Variants in MLKL observed in about 807,000 individuals in gnomAD.
MLKL encodes the protein mixed lineage kinase domain-like protein.
Under a neutral mutation model 56.5 loss-of-function variants are expected in MLKL, and 55 were observed. The observed-to-expected ratio is 0.97, with a 90% CI of 0.78 to 1.22. The LOEUF (loss-of-function observed/expected upper bound fraction) is 1.22. Among genes scored for constraint, MLKL ranks in the 50% most tolerant of loss-of-function variants. The pLI, the probability that MLKL is intolerant of heterozygous loss-of-function variation, is 0.00. For missense variants in MLKL, 694 were observed against 573.9 expected (o/e 1.21, Z -2.14); for synonymous variants, 251 against 208.3 (o/e 1.20, Z -1.76).
In MLKL at chr16:74,680,583, T is replaced by A. The variant is rs540226770; in HGVS notation, c.957-1603A>T. On this transcript the variant is annotated intron_variant, in intron 6 of 10. Transcript: ENST00000308807. ...GTGCAGTGGCACAATCTCAGCTCACTGCAACCTCTGCCTCCCAGGTTCAAG... is the reference window on the plus strand; with the variant it reads ...GTGCAGTGGCACAATCTCAGCTCACAGCAACCTCTGCCTCCCAGGTTCAAG... 1.7e-3 allele frequency among the ~76,000 whole-genome samples: 253 copies of A among 152,304 alleles called. 1 individual carries two copies. The highest frequency in any genetic ancestry group is 5.5e-3 in the African/African-American group (227 of 41,584).
In MLKL at chr16:74,691,110, G is replaced by T. The variant is rs180949240; in HGVS notation, c.722+167C>A. On this transcript the variant is annotated intron_variant, in intron 4 of 10. Transcript: ENST00000308807. ...GGAGAGAAGACCTAGAACTGAGGTG[G>T]AAAGATGTATTTAAGTCAAGACTCT... Among the ~76,000 whole-genome samples, 6 of 151,966 alleles carry T rather than the reference G, an allele frequency of 3.9e-5. No homozygotes were observed. The East Asian group carries it at 1.2e-3, about 29-fold the overall frequency.
chr16:74,695,709 G>A lies in MLKL; in HGVS notation c.49C>T (p.Arg17Trp). Residue 17 changes from arginine to tryptophan, a missense_variant, in exon 2 of 11, where the codon CGG (arginine) becomes TGG (tryptophan). Coordinates refer to ENST00000308807, the MANE Select transcript of MLKL (RefSeq NM_152649.4). Reference protein sequence around the residue: ...IITLGQVIHKRCEEMKYCKKQ... With the variant: ...IITLGQVIHKWCEEMKYCKKQ... ...TTGCAGTATTTCATCTCTTCACACC[G>A]TTTGTGGATGACCTGGCCAAGGGTG... The A allele has an allele frequency of 2.5e-6, 4 of 1,613,186 alleles. No homozygotes were observed. The highest frequency in any genetic ancestry group is 3.4e-6 in the Non-Finnish European group (4 of 1,179,708).
At chr16:74,686,838 C>T (rs1292976535) in intron 4 of MLKL, among the ~76,000 whole-genome samples, 2 of 152,090 alleles carry the variant, frequency 1.3e-5, no homozygotes, top group Non-Finnish European at 2.9e-5. Context: ...TAGCAATTAA[C>T]AATCAAAAGA....
chr16:74,682,784 T>G lies in MLKL; in HGVS notation c.823A>C (p.Thr275Pro). 3.7e-6 allele frequency: 6 copies of G among 1,613,598 alleles called. No individual in the cohort carries two copies. Among genetic ancestry groups the G allele is most frequent in the Non-Finnish European group, 4.2e-6 (5 of 1,179,910 alleles). Reference protein sequence around the residue: ...IFGICIDETVTPPQFSIVMEY... With the variant: ...IFGICIDETVPPPQFSIVMEY... ...ATGACAATGGAGAATTGAGGCGGAG[T>G]CACTGGTGGAAAGGAGCCAGACACT... Residue 275 changes from threonine (T) to proline (P), a missense_variant and splice_region_variant, in exon 6 of 11, where the codon ACT (threonine) becomes CCT (proline). By Grantham distance (38) the Thr-to-Pro change is conservative (BLOSUM62 -1). Transcript: ENST00000308807.
intron 1 of MLKL, among the ~76,000 whole-genome samples, chr16:74,697,856 A>G (rs1348744217): frequency 2.0e-5 from 3 of 152,124 alleles, no homozygotes; most frequent in Admixed American, 1.3e-4. Context: ...GCTGCGGTTC[A>G]GGGAGGTTGC....
chr16:74,682,779 C>A lies in MLKL; in HGVS notation c.828G>T (p.Pro276=). ...FGICIDETVT[P]PQFSIVMEYC... ...ACTCCATGACAATGGAGAATTGAGG[C>A]GGAGTCACTGGTGGAAAGGAGCCAG... Residue 276 remains proline, a synonymous_variant, in exon 6 of 11, where the codon CCG becomes CCT. Transcript: ENST00000308807. The A allele has an allele frequency of 6.2e-7, 1 of 1,613,954 alleles. No homozygotes were observed.
chr16:74,691,623 C>T (rs777267731), intron 3 of MLKL, among the ~76,000 whole-genome samples, 160 bp from the exon 4 acceptor site: 6 of 152,162 alleles, frequency 3.9e-5, no homozygotes, highest in Non-Finnish European at 8.8e-5. Flanking sequence ...CCCAAGGGAG[C>T]GGCTCCCGTG....
At chr16:74,675,549 G>A (rs995091139) in intron 8 of MLKL, 64 bp downstream of exon 8, 1 of 1,581,004 alleles carries the variant, frequency 6.3e-7, no homozygotes, top group Non-Finnish European at 8.6e-7. Context: ...CCTTGGAGGA[G>A]TTTGATTTGG....
chr16:74,672,618 G>T (rs1959300815), intron 10 of MLKL, 80 bp from the exon 11 acceptor site: 8 of 1,318,718 alleles, frequency 6.1e-6, no homozygotes, highest in Non-Finnish European at 8.7e-6. Context: ...TTTCTACATT[G>T]CACAGTCATT....
At chr16:74,695,853 T>G in intron 1 of MLKL, 94 bp from the exon 2 acceptor site, 2 of 1,140,264 alleles carry the variant, frequency 1.8e-6, no homozygotes, top group Non-Finnish European at 2.4e-6. Context: ...GTGACTTAAA[T>G]GCCTGAGGAG....
At position 74,691,277 on chromosome 16, in the gene MLKL, G is replaced by A. The variant is rs759693357; in HGVS notation, c.722C>T (p.Ala241Val). ...GAGAGAACCACACAAAACAACTTAC[G>A]CAATGCTGCCAGCCTGGAGTTTTTT... ...VFKKLQAGSI[A>V]IVRQTFNKEI... The change falls in exon 4 of 11, where the codon GCA becomes GTA. Residue 241 changes from alanine to valine, a missense_variant and splice_region_variant. Coordinates refer to ENST00000308807, the MANE Select transcript of MLKL (RefSeq NM_152649.4). 16 of 1,608,608 alleles carry A rather than the reference G, an allele frequency of 9.9e-6. 1 individual carries two copies. Among genetic ancestry groups the A allele is most frequent in the East Asian group, 4.5e-5 (2 of 44,854 alleles).
intron 3 of MLKL, among the ~76,000 whole-genome samples, chr16:74,691,784 AC>A (rs999429683): frequency 6.6e-6 from 1 of 151,724 alleles, no homozygotes; most frequent in African/African-American, 2.4e-5. Flanking sequence ...TATTCCTGTT[AC>A]CCAGAGCTTG....
intron 4 of MLKL, among the ~76,000 whole-genome samples, chr16:74,690,781 CAAAAAAAAAAAAAAA>C (rs58597472): frequency 2.0e-5 from 1 of 49,906 alleles, no homozygotes; most frequent in East Asian, 7.5e-4. Flanking sequence ...GACCTTGTCT[CAAAAAAAAAAAAAAA>C]AAAAAAAAAA....
At chr16:74,681,638 A>G (rs955017686) in intron 6 of MLKL, among the ~76,000 whole-genome samples, 2 of 151,844 alleles carry the variant, frequency 1.3e-5, no homozygotes, top group Non-Finnish European at 2.9e-5. Flanking sequence ...ATAAAAATAC[A>G]AAAAAATTAG....
At chr16:74,684,541 C>T (rs1263223858) in intron 5 of MLKL, among the ~76,000 whole-genome samples, 2 of 150,972 alleles carry the variant, frequency 1.3e-5, no homozygotes, top group East Asian at 3.9e-4. Flanking sequence ...GTCACCCAGG[C>T]TGGAGTGCAG....
At position 74,675,177 on chromosome 16, in the gene MLKL, C is replaced by T. The variant is rs372872059; in HGVS notation, c.1241-77G>A. 1,449 of 1,584,938 alleles carry T rather than the reference C, an allele frequency of 9.1e-4. 13 individuals are homozygous for T. In the Middle Eastern group the frequency reaches 0.011, roughly 12 times the overall value. ...CTCTCTGGATGCTGATGGCTGGCAT[C>T]AGAACTAGGGACTCTGAGTATGGAA... On this transcript the variant is annotated intron_variant, in intron 9 of 10. Coordinates refer to ENST00000308807, the MANE Select transcript of MLKL (RefSeq NM_152649.4).
intron 1 of MLKL, among the ~76,000 whole-genome samples, chr16:74,699,429 G>C (rs906609441): frequency 1.3e-5 from 2 of 152,032 alleles, no homozygotes; most frequent in African/African-American, 4.8e-5. Flanking sequence ...GCAAAATATT[G>C]GGAAAAAGCA....
chr16:74,687,904 C>T (rs1819921827), intron 4 of MLKL, among the ~76,000 whole-genome samples: 4 of 151,998 alleles, frequency 2.6e-5, no homozygotes, highest in Admixed American at 2.6e-4. Context: ...CAGGTCACTG[C>T]AAGCTCTGCC....
At chr16:74,681,111 G>A (rs923254761) in intron 6 of MLKL, among the ~76,000 whole-genome samples, 16 of 152,142 alleles carry the variant, frequency 1.1e-4, no homozygotes, top group Non-Finnish European at 1.9e-4. Flanking sequence ...TGAAACCTCC[G>A]CCTCCTGGGT....
Sources: allele counts gnomAD v4.1 joint callset (sites outside exome capture counted in the v4.1 genomes callset), GRCh38; gene constraint gnomAD v4.1.1; transcripts MANE v1.5; gene names NCBI Gene and HGNC (gene_info 2026-07-23, HGNC 2026-07-21).